ANKAR: variants seen among roughly 807,000 people sequenced by gnomAD.
ANKAR encodes the protein ankyrin and armadillo repeat-containing protein.
Under a neutral mutation model 146.2 loss-of-function variants are expected in ANKAR, and 136 were observed. The observed-to-expected ratio is 0.93, with a 90% CI of 0.81 to 1.07. ANKAR has a LOEUF of 1.07. ANKAR is among the 50% of genes least tolerant of loss of function. ANKAR has a pLI of 0.00. For synonymous variants in ANKAR, 500 were observed against 575.8 expected (o/e 0.87, Z 1.88); for missense variants, 1,567 against 1,679.9 (o/e 0.93, Z 1.18).
At chr2:189,692,686 A>G (rs2036604513) in intron 4 of ANKAR, 2 of 315,420 alleles carry the variant, frequency 6.3e-6, no homozygotes, top group Admixed American at 5.1e-5. Flanking sequence ...CTAATGGACT[A>G]TATTTGTCCC....
chr2:189,686,881 T>C (rs891184804), intron 2 of ANKAR, among the ~76,000 whole-genome samples: 9 of 152,184 alleles, frequency 5.9e-5, no homozygotes, highest in African/African-American at 1.9e-4. Context: ...ATTTATGAGA[T>C]ATTTTCACAC....
At chr2:189,692,678 A>T in intron 4 of ANKAR, 1 of 332,632 alleles carries the variant, frequency 3.0e-6, no homozygotes, top group South Asian at 4.8e-5. Context: ...AAAGACTTCT[A>T]ATGGACTATA....
chr2:189,734,282 C>A (rs1002507955), intron 17 of ANKAR, among the ~76,000 whole-genome samples: 1 of 152,212 alleles, frequency 6.6e-6, no homozygotes, highest in East Asian at 1.9e-4. Flanking sequence ...TCTTGCATCA[C>A]ACTTTTGCTC....
chr2:189,689,829 C>G lies in ANKAR; in HGVS notation c.904C>G (p.His302Asp). The change falls in exon 3 of 23, where the codon CAC (histidine) becomes GAC (aspartate). Residue 302 changes from histidine (H) to aspartate (D), a missense_variant. Coordinates refer to ENST00000684021, the MANE Select transcript of ANKAR (RefSeq NM_001378068.1). The part of the protein sequence containing the change: ...LYLQKKIIQK[H>D]FEKKKDIRRG... ...TCTTCAAAAAAAGATTATTCAAAAA[C>G]ACTTTGAGAAGAAAAAAGATATCAG... is the stretch of plus-strand genomic sequence containing the variant. The G allele has an allele frequency of 6.2e-7, 1 of 1,605,184 alleles. No homozygotes were observed. The highest frequency in any genetic ancestry group is 8.5e-7 in the Non-Finnish European group (1 of 1,176,530).
intron 10 of ANKAR, among the ~76,000 whole-genome samples, chr2:189,717,091 G>T (rs2040565608): frequency 6.6e-6 from 1 of 152,116 alleles, no homozygotes; most frequent in Admixed American, 6.5e-5. Context: ...TAGACAAATG[G>T]GATCTAATTA....
chr2:189,717,574 A>G (rs2040644314), intron 10 of ANKAR, among the ~76,000 whole-genome samples: 1 of 152,222 alleles, frequency 6.6e-6, no homozygotes, highest in Non-Finnish European at 1.5e-5. Flanking sequence ...TGACCCAGCA[A>G]TCCCATTACT....
rs1270989400 is a variant in ANKAR at position 189,728,005 on chromosome 2, A to G, written c.2785A>G (p.Met929Val). The change falls in exon 13 of 23, where the codon ATG becomes GTG. Residue 929 changes from methionine to valine, a missense_variant. Physicochemically the swap from Met to Val is conservative, Grantham distance 21. Transcript: ENST00000684021. ...AATTAGTGTCCAAATGAAAGGTGCA[A>G]TGGCTGTGGAATCACTGGCAAGTCA... ...KQISVQMKGA[M>V]AVESLASHNA... The G allele has an allele frequency of 1.2e-6, 2 of 1,613,946 alleles. No homozygotes were observed. Among genetic ancestry groups the G allele is most frequent in the East Asian group, 2.2e-5 (1 of 44,882 alleles).
chr2:189,676,081 A>G (rs568862611), intron 1 of ANKAR: 103 of 172,578 alleles, frequency 6.0e-4, no homozygotes, highest in African/African-American at 2.2e-3. Context: ...ATGCAGTCTC[A>G]GGTATTCCTT....
intron 2 of ANKAR, among the ~76,000 whole-genome samples, chr2:189,685,232 A>C (rs1444883420): frequency 6.6e-6 from 1 of 151,460 alleles, no homozygotes; most frequent in African/African-American, 2.4e-5. Flanking sequence ...CCTTTCTTTA[A>C]TAACTTTCTT....
chr2:189,710,229 T>C (rs2039507213), intron 9 of ANKAR, among the ~76,000 whole-genome samples: 1 of 152,222 alleles, frequency 6.6e-6, no homozygotes, highest in African/African-American at 2.4e-5. Flanking sequence ...CTGTGTGTTT[T>C]TTCCTGTGTG....
chr2:189,762,532 C>T (rs2047257275), downstream of ANKAR: 2 of 922,952 alleles, frequency 2.2e-6, no homozygotes, highest in Non-Finnish European at 2.6e-6. Context: ...GAAGCACTAC[C>T]CTTTCGGGCC....
downstream of ANKAR, chr2:189,762,848 C>T: frequency 7.1e-6 from 7 of 985,388 alleles, no homozygotes; most frequent in Non-Finnish European, 8.4e-6. Flanking sequence ...CGCTAGCGAG[C>T]GGCATGCTTA....
intron 12 of ANKAR, 30 bp downstream of exon 12, chr2:189,720,817 AT>A: frequency 7.0e-7 from 1 of 1,418,518 alleles, no homozygotes; most frequent in Non-Finnish European, 9.2e-7. Context: ...TTATTTTATA[AT>A]GACCAGATAT....
chr2:189,695,135 G>A lies in ANKAR; in HGVS notation c.1462G>A (p.Gly488Ser), dbSNP rs772828251. Residue 488 changes from glycine (G) to serine (S), a missense_variant, in exon 6 of 23, where the codon GGT becomes AGT. Physicochemically the swap from Gly to Ser is moderately conservative, Grantham distance 56 (BLOSUM62 0). Coordinates refer to ENST00000684021, the MANE Select transcript of ANKAR (RefSeq NM_001378068.1). ...QLHEQFKKKL[G>S]FKRAMKCKSI... Reference sequence around the variant, plus strand: ...ACATGAACAATTTAAGAAAAAGCTTGGTTTCAAAAGAGCTATGAAATGCAA... The same window carrying A: ...ACATGAACAATTTAAGAAAAAGCTTAGTTTCAAAAGAGCTATGAAATGCAA... 5.6e-6 allele frequency: 9 copies of A among 1,605,042 alleles called. No homozygotes were observed. The South Asian group carries it at 1.0e-4, about 18-fold the overall frequency.
Position 189,720,629 on chromosome 2 carries a change from C to A in ANKAR, c.2477C>A (p.Pro826Gln). 1 of 1,351,996 alleles carries A rather than the reference C, an allele frequency of 7.4e-7. No homozygotes were observed. Among genetic ancestry groups the A allele is most frequent in the Non-Finnish European group, 9.6e-7 (1 of 1,040,896 alleles). 83.7% of individuals were successfully genotyped at this position (1,351,996 alleles called of 1,614,324 possible). A position where few individuals can be genotyped will look rare whatever the true frequency, so the allele number is the denominator to read the frequency against. ...KDVIAKYNGI[P>Q]SLINLLNLNI... ...TTTGTTTATTTTTAGAATGGAATCC[C>A]AAGCCTGATAAATCTATTGAACTTA... The change falls in exon 12 of 23, where the codon CCA becomes CAA. Residue 826 changes from proline (P) to glutamine (Q), a missense_variant. Pro to Gln is a moderately conservative substitution (Grantham distance 76). Coordinates refer to ENST00000684021, the MANE Select transcript of ANKAR (RefSeq NM_001378068.1).
chr2:189,695,003 C>G lies in ANKAR; in HGVS notation c.1330C>G (p.Leu444Val). The G allele has an allele frequency of 6.5e-7, 1 of 1,544,044 alleles. No individual in the cohort carries two copies. The part of the protein sequence containing the change: ...GKSYYVIYFE[L>V]ETFYQQLYKT... ...TAGCTACTATGTGATCTATTTTGAA[C>G]TAGAAACTTTCTATCAGCAACTATA... The change falls in exon 6 of 23, where the codon CTA becomes GTA. Residue 444 changes from leucine to valine, a missense_variant. Leu to Val is a conservative substitution (Grantham distance 32, BLOSUM62 1). Transcript: ENST00000684021.
At position 189,692,245 on chromosome 2, in the gene ANKAR, A is replaced by G. The variant is rs2036533836; in HGVS notation, c.1040-10A>G. ...ACTTTTTAAATAAAAATTTGTTTTC[A>G]TTTTTGGAGATGACAAGGTCAAGAC... On this transcript the variant is annotated splice_polypyrimidine_tract_variant and intron_variant, in intron 3 of 22. Coordinates refer to ENST00000684021, the MANE Select transcript of ANKAR (RefSeq NM_001378068.1). 5.7e-6 allele frequency: 9 copies of G among 1,584,206 alleles called. No individual in the cohort carries two copies. Among genetic ancestry groups the G allele is most frequent in the Non-Finnish European group, 6.8e-6 (8 of 1,171,002 alleles).
chr2:189,718,541 C>G (rs576645557), intron 10 of ANKAR, among the ~76,000 whole-genome samples: 15 of 152,038 alleles, frequency 9.9e-5, no homozygotes, highest in Non-Finnish European at 1.8e-4. Context: ...TTCCTGAAAA[C>G]CTGTACAAAA....
At chr2:189,709,018 C>T (rs1333607028) in intron 9 of ANKAR, among the ~76,000 whole-genome samples, 1 of 152,154 alleles carries the variant, frequency 6.6e-6, no homozygotes, top group Non-Finnish European at 1.5e-5. Context: ...AGGAGAATCA[C>T]TTGAACCTGG....
Sources: gnomAD v4.1 joint callset for allele counts (sites outside exome capture counted in the v4.1 genomes callset) on GRCh38, gnomAD v4.1.1 for gene constraint, MANE v1.5 for transcripts, NCBI Gene and HGNC (gene_info 2026-07-23, HGNC 2026-07-21) for gene names.